TMEM183A: variants seen among roughly 807,000 people sequenced by gnomAD.
The protein encoded by TMEM183A is chromosome 1 open reading frame 37.
In TMEM183A, 21 loss-of-function variants were observed where a neutral mutation model predicts 46.7. That is an observed-to-expected ratio of 0.45 (90% CI 0.32 to 0.65). The LOEUF (loss-of-function observed/expected upper bound fraction) is 0.65, where lower values mean the gene tolerates loss of function less well. Ranked by LOEUF, TMEM183A falls within the 30% of genes least tolerant of loss-of-function variation. TMEM183A has a pLI of 0.04. For synonymous variants in TMEM183A, 165 were observed against 180.2 expected, an observed-to-expected ratio of 0.92 and a Z score of 0.68; for missense variants, 331 against 481.9, an observed-to-expected ratio of 0.69 and a Z score of 2.93.
At chr1:203,010,444 A>G (rs1656459409) in intron 3 of TMEM183A, among the ~76,000 whole-genome samples, 1 of 152,208 alleles carries the variant, frequency 6.6e-6, no homozygotes, top group Non-Finnish European at 1.5e-5. Flanking sequence ...TTATTGGAGC[A>G]CTTTGGATTT....
intron 3 of TMEM183A, 108 bp from the exon 4 acceptor site, chr1:203,014,781 T>A: frequency 6.8e-7 from 1 of 1,469,752 alleles, no homozygotes; most frequent in Non-Finnish European, 9.1e-7. Flanking sequence ...TTGGACCTAT[T>A]TAAAACCATT....
intron 5 of TMEM183A, among the ~76,000 whole-genome samples, 199 bp from the exon 6 acceptor site, chr1:203,018,282 C>G (rs1657353619): frequency 6.6e-6 from 1 of 152,132 alleles, no homozygotes; most frequent in African/African-American, 2.4e-5. Context: ...ATTGAACAGC[C>G]CTGGGATTGT....
intron 3 of TMEM183A, among the ~76,000 whole-genome samples, chr1:203,011,345 T>C (rs562902842): frequency 1.3e-5 from 2 of 152,316 alleles, no homozygotes; most frequent in East Asian, 3.9e-4. Flanking sequence ...GTGGTTTTGA[T>C]TTGCATTTCC....
At chr1:203,018,438 C>T (rs770058013) in intron 5 of TMEM183A, 43 bp from the exon 6 acceptor site, 4 of 1,571,634 alleles carry the variant, frequency 2.5e-6, no homozygotes, top group Non-Finnish European at 2.6e-6. Context: ...TGATTTTTTT[C>T]TTTTTCTTTT....
intron 3 of TMEM183A, among the ~76,000 whole-genome samples, chr1:203,011,869 CTTT>C (rs11315785): frequency 6.3e-5 from 7 of 110,960 alleles, no homozygotes; most frequent in Non-Finnish European, 1.1e-4. Context: ...TCAGACTGGT[CTTT>C]TTTTTTTTTT....
In TMEM183A at chr1:203,013,278, A is replaced by G. The variant is rs1452542265; in HGVS notation, c.368-1611A>G. On this transcript the variant is annotated intron_variant, in intron 3 of 7. Coordinates refer to ENST00000367242, the MANE Select transcript of TMEM183A (RefSeq NM_138391.6). The surrounding 1 kb of genome is among the most constrained non-coding windows in gnomAD (Gnocchi z 4.0). The stretch of plus-strand genomic sequence containing the variant: ...GAAAAGCGGGGGCAACTTTGGGGAG[A>G]TGGTGTAGGGGCTTTTTCCCCAGGA... Among the ~76,000 whole-genome samples the G allele has an allele frequency of 6.6e-6, 1 of 152,114 alleles. No individual in the cohort carries two copies. The highest frequency in any genetic ancestry group is 1.9e-4 in the East Asian group (1 of 5,192).
Position 203,013,112 on chromosome 1 carries a change from T to C in TMEM183A, c.368-1777T>C, listed in dbSNP as rs11584217. 0.11 allele frequency among the ~76,000 whole-genome samples: 16,027 copies of C among 152,246 alleles called. 1,103 individuals are homozygous for C. The highest frequency in any genetic ancestry group is 0.15 in the Middle Eastern group (45 of 294). On this transcript the variant is annotated intron_variant, in intron 3 of 7. Coordinates refer to ENST00000367242, the MANE Select transcript of TMEM183A (RefSeq NM_138391.6). The surrounding 1 kb of genome is among the most constrained non-coding windows in gnomAD (Gnocchi z 4.0). ...AGTGGGGCCTAGACATGGTAGACTG[T>C]GTCTTGCATGATTACTGGAGATTAT...
At chr1:203,017,682 A>G (rs891762421) in intron 5 of TMEM183A, 31 of 969,238 alleles carry the variant, frequency 3.2e-5, no homozygotes, top group Non-Finnish European at 3.8e-5. Flanking sequence ...AGTTGCCAGC[A>G]TGCCTAAAGG....
At chr1:203,007,627 G>T in intron 1 of TMEM183A, 53 bp downstream of exon 1, 1 of 1,530,378 alleles carries the variant, frequency 6.5e-7, no homozygotes, top group South Asian at 1.2e-5. Flanking sequence ...GCGGCTGGGA[G>T]GGGGCTGGAC....
At chr1:203,007,942 CT>C (rs1656141148) in intron 2 of TMEM183A, 79 bp downstream of exon 2, 2 of 1,541,200 alleles carry the variant, frequency 1.3e-6, no homozygotes, top group Non-Finnish European at 1.8e-6. Flanking sequence ...TCTTGCAGTC[CT>C]TTAGTCGTCT....
chr1:203,007,632 C>A (rs916877066), intron 1 of TMEM183A, 58 bp downstream of exon 1: 11 of 1,529,662 alleles, frequency 7.2e-6, no homozygotes, highest in Non-Finnish European at 9.7e-6. Context: ...TGGGAGGGGG[C>A]TGGACCGTGC....
rs748388450 is a variant in TMEM183A at position 203,008,724 on chromosome 1, T to G, written c.281T>G (p.Ile94Ser). The G allele has an allele frequency of 1.9e-6, 3 of 1,610,538 alleles. No homozygotes were observed. Among genetic ancestry groups the G allele is most frequent in the Non-Finnish European group, 2.5e-6 (3 of 1,178,452 alleles). Residue 94 changes from isoleucine to serine, a missense_variant, in exon 3 of 8, where the codon ATC becomes AGC. Ile to Ser is a moderately radical substitution (Grantham distance 142). This residue lies in a region of TMEM183A where 233 missense variants were observed against 385.8 expected (regional missense o/e 0.60). Coordinates refer to ENST00000367242, the MANE Select transcript of TMEM183A (RefSeq NM_138391.6). The part of the protein sequence containing the change: ...LSGAGEPCDI[I>S]DSSDEMDAQE... ...GGGGCTGGTGAGCCCTGTGACATCATCGACAGCAGTGATGAGATGGATGCC... is the reference window on the plus strand; with the variant it reads ...GGGGCTGGTGAGCCCTGTGACATCAGCGACAGCAGTGATGAGATGGATGCC...
Position 203,007,458 on chromosome 1 carries a change from C to A in TMEM183A, c.-8C>A. The stretch of plus-strand genomic sequence containing the variant: ...GCGGCTCCCGGGGCCGGCTCTCCGG[C>A]CGGAGACATGGCCCGGGGGCCCGGC... On this transcript the variant is annotated 5_prime_UTR_variant, in exon 1 of 8. Coordinates refer to ENST00000367242, the MANE Select transcript of TMEM183A (RefSeq NM_138391.6). 2 of 1,425,460 alleles carry A rather than the reference C, an allele frequency of 1.4e-6. No individual in the cohort carries two copies. The highest frequency in any genetic ancestry group is 1.4e-5 in the South Asian group (1 of 73,252). 88.3% of individuals were successfully genotyped at this position (1,425,460 alleles called of 1,614,324 possible).
In TMEM183A at chr1:203,013,597, C is replaced by T. The variant is rs1464698090; in HGVS notation, c.368-1292C>T. Among the ~76,000 whole-genome samples the T allele has an allele frequency of 1.3e-5, 2 of 151,982 alleles. No homozygotes were observed. The highest frequency in any genetic ancestry group is 4.8e-5 in the African/African-American group (2 of 41,364). ...CGCTATCTCGGCTCACTGCAAGCTC[C>T]GCCTCCTGGGTTCACGCCATTCTCC... On this transcript the variant is annotated intron_variant, in intron 3 of 7. Coordinates refer to ENST00000367242, the MANE Select transcript of TMEM183A (RefSeq NM_138391.6). This position sits in a 1 kb window ranked among gnomAD's most constrained non-coding sequence, Gnocchi z 4.0.
intron 3 of TMEM183A, among the ~76,000 whole-genome samples, chr1:203,011,852 C>T (rs1050932864): frequency 6.8e-6 from 1 of 147,678 alleles, no homozygotes; most frequent in African/African-American, 2.5e-5. Context: ...TAGGTTTCTC[C>T]ATTCCATCAG....
intron 3 of TMEM183A, among the ~76,000 whole-genome samples, chr1:203,014,253 C>A (rs1379755575): frequency 6.6e-6 from 1 of 152,080 alleles, no homozygotes; most frequent in Non-Finnish European, 1.5e-5. Context: ...TTTTCTTATT[C>A]CATTGAAGAA....
intron 3 of TMEM183A, among the ~76,000 whole-genome samples, chr1:203,011,517 C>T (rs1459881404): frequency 6.6e-6 from 1 of 152,132 alleles, no homozygotes; most frequent in Non-Finnish European, 1.5e-5. Flanking sequence ...AGCGATTCTC[C>T]TACCTCAGCC....
intron 4 of TMEM183A, chr1:203,015,719 G>A: frequency 1.9e-6 from 1 of 521,634 alleles, no homozygotes; most frequent in African/African-American, 1.9e-5. Flanking sequence ...CCAATTCAGA[G>A]TTTGCTCTTT....
rs750825739 is a variant in TMEM183A at position 203,007,575 on chromosome 1, G to GTGGGCGAGGGGGGCA, written c.109+2_109+16dup. ...GCCCACGACGCCTGCTCCGGCCGAGGTGGGCGAGGGGGGCAGGGGCGCTGA... is the reference window on the plus strand; with the variant it reads ...GCCCACGACGCCTGCTCCGGCCGAGGTGGGCGAGGGGGGCATGGGCGAGGGGGGCAGGGGCGCTGA... On this transcript the variant is annotated splice_donor_variant, in intron 1 of 7. Coordinates refer to ENST00000367242, the MANE Select transcript of TMEM183A (RefSeq NM_138391.6). LOFTEE classifies it high-confidence loss of function. 3.1e-4 allele frequency: 479 copies of GTGGGCGAGGGGGGCA among 1,547,050 alleles called. No individual in the cohort carries two copies. Among genetic ancestry groups the GTGGGCGAGGGGGGCA allele is most frequent in the Non-Finnish European group, 3.8e-4 (443 of 1,151,938 alleles).
Sources: allele counts gnomAD v4.1 joint callset (sites outside exome capture counted in the v4.1 genomes callset), GRCh38; gene constraint gnomAD v4.1.1; regional missense constraint gnomAD v4.1.1; non-coding constraint Gnocchi (gnomAD v3.1); transcripts MANE v1.5; gene names NCBI Gene and HGNC (gene_info 2026-07-23, HGNC 2026-07-21).